Variants in AJAP1 observed in about 807,000 individuals in gnomAD.
AJAP1 encodes adherens junctions associated protein 1, also known as adherens junction-associated protein 1.
In AJAP1, 5 loss-of-function variants were observed where a neutral mutation model predicts 35.0. The observed-to-expected ratio is 0.14, with a 90% CI of 0.07 to 0.30. AJAP1 has a LOEUF of 0.30. AJAP1 is among the 10% of genes least tolerant of loss of function. The pLI, the probability that AJAP1 is intolerant of heterozygous loss-of-function variation, is 1.00. For synonymous variants in AJAP1, 284 were observed against 249.3 expected (o/e 1.14, Z -1.31); for missense variants, 586 against 571.0 (o/e 1.03, Z -0.27).
At chr1:4,688,203 C>T (rs1039888180) in intron 1 of AJAP1, among the ~76,000 whole-genome samples, 1 of 152,146 alleles carries the variant, frequency 6.6e-6, no homozygotes, top group African/African-American at 2.4e-5. Context: ...GGAAGTGACA[C>T]TTCGGAGGTT....
chr1:4,705,321 G>A (rs61765034), intron 1 of AJAP1, among the ~76,000 whole-genome samples: 18,716 of 148,268 alleles, frequency 0.13, 1,316 homozygotes, highest in African/African-American at 0.2. Flanking sequence ...CAGGACATAG[G>A]CATGGGCAAG....
intron 1 of AJAP1, among the ~76,000 whole-genome samples, chr1:4,661,351 G>C (rs1190289331): frequency 1.3e-5 from 2 of 152,220 alleles, no homozygotes; most frequent in Admixed American, 1.3e-4. Context: ...GTGCTAAACT[G>C]TTCAGCCATT....
rs1642169866 is a variant in AJAP1, at chr1:4,787,043, C to T, written c.*4558C>T. On this transcript the variant is annotated 3_prime_UTR_variant, in exon 6 of 6. Coordinates refer to ENST00000378191, the MANE Select transcript of AJAP1 (RefSeq NM_018836.4). ...CCATTCTTGCTTCAGCATGTGAATT[C>T]TTTAAGACACTACTCACATATGCCA... 1 of 152,272 alleles carries T rather than the reference C, an allele frequency of 6.6e-6. No individual in the cohort carries two copies. The highest frequency in any genetic ancestry group is 2.1e-4 in the South Asian group (1 of 4,834). The allele number at this position is 152,272 out of a possible 1,614,324, so 9.4% of individuals were successfully genotyped here.
At chr1:4,707,963 G>GTTTTTTT (rs774086340) in intron 1 of AJAP1, among the ~76,000 whole-genome samples, 1 of 126,158 alleles carries the variant, frequency 7.9e-6, no homozygotes, top group African/African-American at 2.9e-5. Flanking sequence ...TGGGCGGTAC[G>GTTTTTTT]TTTTTTTTTT....
chr1:4,662,823 A>T (rs1242985441), intron 1 of AJAP1, among the ~76,000 whole-genome samples: 2 of 152,112 alleles, frequency 1.3e-5, no homozygotes, highest in Non-Finnish European at 2.9e-5. Context: ...TGCCACGGGG[A>T]TGTGTTTTGG....
intron 2 of AJAP1, among the ~76,000 whole-genome samples, chr1:4,724,280 C>T (rs1043771796): frequency 6.6e-6 from 1 of 152,098 alleles, no homozygotes; most frequent in South Asian, 2.1e-4. Flanking sequence ...CGAGGTCTGA[C>T]ATGAGAGGAG....
At chr1:4,721,288 G>T (rs1443828975) in intron 2 of AJAP1, among the ~76,000 whole-genome samples, 2 of 152,248 alleles carry the variant, frequency 1.3e-5, no homozygotes, top group Non-Finnish European at 2.9e-5. Flanking sequence ...TGGGGCTTGG[G>T]GACCCTCCCA....
intron 1 of AJAP1, among the ~76,000 whole-genome samples, chr1:4,682,988 G>A (rs1051842684): frequency 2.0e-5 from 3 of 152,202 alleles, no homozygotes; most frequent in African/African-American, 7.2e-5. Context: ...AGCTATGTCA[G>A]TCCAGGCCCC....
intron 1 of AJAP1, among the ~76,000 whole-genome samples, chr1:4,698,403 A>G (rs1370310710): frequency 2.0e-5 from 3 of 152,170 alleles, no homozygotes; most frequent in African/African-American, 7.2e-5. Flanking sequence ...GATATAAAGG[A>G]CTGGGGATGG....
intron 1 of AJAP1, among the ~76,000 whole-genome samples, chr1:4,700,566 G>T (rs1224530360): frequency 5.9e-5 from 9 of 152,226 alleles, no homozygotes; most frequent in African/African-American, 2.2e-4. Flanking sequence ...TTCCCAGCCA[G>T]TGAGTTCTGA....
chr1:4,685,279 G>A (rs1346428383), intron 1 of AJAP1, among the ~76,000 whole-genome samples: 1 of 152,176 alleles, frequency 6.6e-6, no homozygotes, highest in Non-Finnish European at 1.5e-5. Flanking sequence ...ATCATAAAAT[G>A]GAAGAGCAGT....
At chr1:4,671,274 C>G (rs897569604) in intron 1 of AJAP1, among the ~76,000 whole-genome samples, 1 of 151,320 alleles carries the variant, frequency 6.6e-6, no homozygotes, top group African/African-American at 2.4e-5. Flanking sequence ...GAGGCTGAGG[C>G]AGGAGAATTG....
At chr1:4,705,998 C>T (rs1431903026) in intron 1 of AJAP1, among the ~76,000 whole-genome samples, 1 of 152,148 alleles carries the variant, frequency 6.6e-6, no homozygotes, top group African/African-American at 2.4e-5. Context: ...CAGCAACTCT[C>T]TGGGCTCTTT....
intron 1 of AJAP1, among the ~76,000 whole-genome samples, chr1:4,706,599 G>A (rs537611307): frequency 2.6e-5 from 4 of 152,276 alleles, no homozygotes; most frequent in African/African-American, 9.6e-5. Flanking sequence ...TTCCCCGGTG[G>A]AACAATTCCA....
rs1279961405 is a variant in AJAP1, at chr1:4,787,631, T to C, written c.*5146T>C. 2.2e-6 allele frequency: 1 copy of C among 455,080 alleles called. No individual in the cohort carries two copies. 28.2% of individuals were successfully genotyped at this position (455,080 alleles called of 1,614,324 possible). The stretch of plus-strand genomic sequence containing the variant: ...GGGGCAGGGGCAGGATGAGGGCTGC[T>C]GCCCTGGTGATGAGCTTGCCCCATC... On this transcript the variant is annotated 3_prime_UTR_variant, in exon 6 of 6. Coordinates refer to ENST00000378191, the MANE Select transcript of AJAP1 (RefSeq NM_018836.4).
chr1:4,688,033 G>A (rs1380936552), intron 1 of AJAP1, among the ~76,000 whole-genome samples: 1 of 152,232 alleles, frequency 6.6e-6, no homozygotes, highest in Non-Finnish European at 1.5e-5. Flanking sequence ...TGAGCTGGAA[G>A]GCCTCCAGGG....
chr1:4,767,105 C>G (rs999042482), intron 2 of AJAP1, among the ~76,000 whole-genome samples: 2 of 152,136 alleles, frequency 1.3e-5, no homozygotes, highest in African/African-American at 2.4e-5. Context: ...CAGGGCAAGG[C>G]CAACATCAGA....
At position 4,693,257 on chromosome 1, in the gene AJAP1, A is replaced by G. The variant is rs570499612; in HGVS notation, c.30-18643A>G. On this transcript the variant is annotated intron_variant, in intron 1 of 5. Coordinates refer to ENST00000378191, the MANE Select transcript of AJAP1 (RefSeq NM_018836.4). This position sits in a 1 kb window ranked among gnomAD's most constrained non-coding sequence, Gnocchi z 4.4. ...GGGAACTTTAGACACCAGGCCACTC[A>G]ACTGAGGGGAGAAGCAGCCCGTGGT... Among the ~76,000 whole-genome samples the G allele has an allele frequency of 2.3e-3, 350 of 152,096 alleles. No individual in the cohort carries two copies. Among genetic ancestry groups the G allele is most frequent in the African/African-American group, 7.6e-3 (317 of 41,538 alleles).
intron 2 of AJAP1, among the ~76,000 whole-genome samples, chr1:4,757,702 T>A (rs953803877): frequency 3.9e-5 from 6 of 152,242 alleles, no homozygotes; most frequent in Non-Finnish European, 8.8e-5. Context: ...TCACCCTGGT[T>A]TGTAGCCTGT....
Sources: gnomAD v4.1 joint callset for allele counts (sites outside exome capture counted in the v4.1 genomes callset) on GRCh38, gnomAD v4.1.1 for gene constraint, Gnocchi (gnomAD v3.1) non-coding constraint, MANE v1.5 for transcripts, NCBI Gene and HGNC (gene_info 2026-07-23, HGNC 2026-07-21) for gene names.